The following UBE2F variants were observed in gnomAD, a reference collection of about 807,000 sequenced individuals.
UBE2F encodes NEDD8-conjugating enzyme UBE2F.
Under a neutral mutation model 29.6 loss-of-function variants are expected in UBE2F, and 5 were observed. The ratio of observed to expected loss-of-function variants is 0.17; its 90% confidence interval spans 0.09 to 0.36. The LOEUF (loss-of-function observed/expected upper bound fraction) is 0.36, where lower values mean the gene tolerates loss of function less well. UBE2F is among the 10% of genes least tolerant of loss of function. The pLI, the probability that UBE2F is intolerant of heterozygous loss-of-function variation, is 1.00. For missense variants in UBE2F, 141 were observed against 228.5 expected (o/e 0.62, Z 2.47); for synonymous variants, 66 against 81.8 (o/e 0.81, Z 1.04).
chr2:237,988,760 A>G (rs1278782364), intron 3 of UBE2F, among the ~76,000 whole-genome samples: 1 of 152,204 alleles, frequency 6.6e-6, no homozygotes. Flanking sequence ...AAAGTGTATA[A>G]ATCAATAACA....
rs1419047044 is a variant in UBE2F, at chr2:237,967,380, C to T, written c.-17+248C>T. Among the ~76,000 whole-genome samples the T allele has an allele frequency of 4.0e-5, 6 of 149,644 alleles. No homozygotes were observed. Among genetic ancestry groups the T allele is most frequent in the Admixed American group, 3.3e-4 (5 of 15,024 alleles). ...CGGCGTCGGCGGCCGGGGCGCTGGC[C>T]TCGCCCGGCAGTGAGTGACCGCGGC... On this transcript the variant is annotated intron_variant, in intron 1 of 9. Transcript: ENST00000272930. The surrounding 1 kb of genome is among the most constrained non-coding windows in gnomAD (Gnocchi z 6.3).
At position 238,041,334 on chromosome 2, in the gene UBE2F, G is replaced by C; in HGVS notation, c.554G>C (p.Arg185Thr). Reference protein sequence around the residue: ...KVDDYIKRYAR With the variant: ...KVDDYIKRYAT ...GATGACTACATCAAACGTTATGCCA[G>C]ATGATAAAAGGGGACGATTGCAGGC... The change falls in exon 10 of 10, where the codon AGA becomes ACA. Residue 185 changes from arginine (R) to threonine (T), a missense_variant. By Grantham distance (71) the Arg-to-Thr change is moderately conservative (BLOSUM62 -1). Coordinates refer to ENST00000272930, the MANE Select transcript of UBE2F (RefSeq NM_080678.3). 6.2e-7 allele frequency: 1 copy of C among 1,613,946 alleles called. No homozygotes were observed.
intron 4 of UBE2F, among the ~76,000 whole-genome samples, chr2:238,006,162 T>G (rs2063900024): frequency 6.6e-6 from 1 of 152,174 alleles, no homozygotes; most frequent in Non-Finnish European, 1.5e-5. Context: ...CTTATAATCC[T>G]AGCGGAAGGC....
At chr2:238,034,572 G>C (rs1215329823) in intron 8 of UBE2F, among the ~76,000 whole-genome samples, 1 of 152,104 alleles carries the variant, frequency 6.6e-6, no homozygotes, top group Non-Finnish European at 1.5e-5. Flanking sequence ...TTTATCTTAG[G>C]TCTAACATAT....
rs577597577 is a variant in UBE2F, at chr2:237,992,409, A to G, written c.149-2335A>G. On this transcript the variant is annotated intron_variant, in intron 3 of 9. Transcript: ENST00000272930. ...AAAGCCCATTTTAAGTATTTCACAC[A>G]TAGTTCTAAATGTGTAATTTTGGGG... Among the ~76,000 whole-genome samples, 22 of 152,348 alleles carry G rather than the reference A, an allele frequency of 1.4e-4. No individual in the cohort carries two copies. The South Asian group carries it at 4.1e-3, about 29-fold the overall frequency.
At chr2:238,025,515 C>T (rs1445954850) in intron 6 of UBE2F, 103 bp downstream of exon 6, 4 of 1,087,792 alleles carry the variant, frequency 3.7e-6, no homozygotes, top group Non-Finnish European at 5.5e-6. Context: ...GAGGCATGGC[C>T]AAGATTAGGA....
At chr2:238,014,101 T>A (rs1185791484) in intron 4 of UBE2F, among the ~76,000 whole-genome samples, 2 of 152,130 alleles carry the variant, frequency 1.3e-5, no homozygotes, top group Admixed American at 1.3e-4. Context: ...GTGTAGAAGG[T>A]GAATCTGAAC....
At chr2:237,972,958 A>T in intron 1 of UBE2F, 134 bp from the exon 2 acceptor site, 1 of 878,852 alleles carries the variant, frequency 1.1e-6, no homozygotes, top group Non-Finnish European at 1.7e-6. Flanking sequence ...CAATCTTATT[A>T]ATGTGTACAA....
chr2:238,016,409 G>A (rs1210887676), intron 4 of UBE2F, 157 bp from the exon 5 acceptor site: 9 of 611,844 alleles, frequency 1.5e-5, no homozygotes, highest in African/African-American at 1.3e-4. Context: ...TTCCACCAGT[G>A]TGTGTGCATT....
intron 4 of UBE2F, among the ~76,000 whole-genome samples, chr2:238,007,551 T>C (rs938158756): frequency 6.6e-6 from 1 of 152,008 alleles, no homozygotes; most frequent in African/African-American, 2.4e-5. Flanking sequence ...GATGCTTTTT[T>C]CCTCCCAAAC....
chr2:237,994,585 C>T (rs779498763), intron 3 of UBE2F, among the ~76,000 whole-genome samples, 159 bp from the exon 4 acceptor site: 5 of 152,154 alleles, frequency 3.3e-5, no homozygotes, highest in African/African-American at 4.8e-5. Flanking sequence ...AGTATTGGCA[C>T]GATTATTATC....
intron 5 of UBE2F, among the ~76,000 whole-genome samples, chr2:238,021,867 G>C (rs1239855015): frequency 6.6e-6 from 1 of 152,226 alleles, no homozygotes; most frequent in East Asian, 1.9e-4. Flanking sequence ...AAATAGGGCT[G>C]TGAGGTAAGT....
intron 2 of UBE2F, among the ~76,000 whole-genome samples, chr2:237,987,620 C>G (rs2063505926): frequency 6.6e-6 from 1 of 152,154 alleles, no homozygotes; most frequent in Non-Finnish European, 1.5e-5. Context: ...GCATATAGAT[C>G]AGGTTTTGAG....
intron 6 of UBE2F, 86 bp from the exon 7 acceptor site, chr2:238,030,470 A>G (rs1438244730): frequency 4.4e-6 from 4 of 904,768 alleles, no homozygotes; most frequent in South Asian, 4.1e-5. Context: ...GAGCTCCTGC[A>G]TGGCACACAC....
intron 4 of UBE2F, among the ~76,000 whole-genome samples, chr2:237,997,815 T>C (rs549044095): frequency 2.8e-4 from 43 of 152,242 alleles, no homozygotes; most frequent in African/African-American, 1.0e-3. Flanking sequence ...GAGAAAAACA[T>C]GGAAATGTAA....
chr2:238,018,686 C>T (rs73999376), intron 5 of UBE2F, among the ~76,000 whole-genome samples: 4,094 of 152,268 alleles, frequency 0.027, 187 homozygotes, highest in African/African-American at 0.093. Context: ...CTGCCCTAGC[C>T]TCCTGTCAGT....
chr2:237,979,684 G>A (rs1480669230), intron 2 of UBE2F, among the ~76,000 whole-genome samples: 1 of 152,208 alleles, frequency 6.6e-6, no homozygotes, highest in African/African-American at 2.4e-5. Context: ...AATGCCAGTG[G>A]AGCTGCCCCG....
intron 9 of UBE2F, among the ~76,000 whole-genome samples, chr2:238,038,979 A>G (rs998177276): frequency 1.8e-4 from 27 of 152,264 alleles, no homozygotes; most frequent in Non-Finnish European, 1.6e-4. Context: ...TCACGCCTGT[A>G]ATCCCAGCAC....
chr2:237,975,607 TA>T (rs1399098315), intron 2 of UBE2F, among the ~76,000 whole-genome samples: 7 of 152,278 alleles, frequency 4.6e-5, no homozygotes, highest in African/African-American at 1.7e-4. Context: ...AAATCACTGT[TA>T]AACTGGGGAA....
Sources: allele counts gnomAD v4.1 joint callset (sites outside exome capture counted in the v4.1 genomes callset), GRCh38; gene constraint gnomAD v4.1.1; non-coding constraint Gnocchi (gnomAD v3.1); transcripts MANE v1.5; gene names NCBI Gene and HGNC (gene_info 2026-07-23, HGNC 2026-07-21).